The following FBXO10 variants were observed in gnomAD, a reference collection of about 807,000 sequenced individuals.
FBXO10 encodes F-box protein 10.
FBXO10 carries 39 observed loss-of-function variants against 80.7 expected under a neutral mutation model. The ratio of observed to expected loss-of-function variants is 0.48; its 90% CI spans 0.37 to 0.63. FBXO10 has a LOEUF of 0.63. Ranked by LOEUF, FBXO10 falls within the 30% of genes least tolerant of loss-of-function variation. The pLI, the probability that FBXO10 is intolerant of heterozygous loss-of-function variation, is 0.00. For missense variants in FBXO10, 1,025 were observed against 1,269.0 expected, an observed-to-expected ratio of 0.81 and a Z score of 2.92; for synonymous variants, 449 against 489.6, an observed-to-expected ratio of 0.92 and a Z score of 1.09.
chr9:37,570,316 GA>G (rs58075609), intron 1 of FBXO10, among the ~76,000 whole-genome samples: 3 of 145,850 alleles, frequency 2.1e-5, no homozygotes, highest in African/African-American at 2.5e-5. Flanking sequence ...GTCTGTCTCG[GA>G]AAAAAAAAAG....
chr9:37,572,493 G>C (rs971931408), intron 1 of FBXO10, among the ~76,000 whole-genome samples: 3 of 152,204 alleles, frequency 2.0e-5, no homozygotes, highest in Non-Finnish European at 2.9e-5. Context: ...TGTTGGCAAC[G>C]AAAATAAGTG....
At chr9:37,522,703 G>C in intron 7 of FBXO10, 122 bp downstream of exon 7, 1 of 1,236,756 alleles carries the variant, frequency 8.1e-7, no homozygotes. Context: ...TGGCCTGAGA[G>C]TGCCTGTTCA....
rs373004926 is a variant in FBXO10 at position 37,541,413 on chromosome 9, T to C, written c.356A>G (p.Asp119Gly). ...TLSVGPGREF[D>G]SLGSALAMAS... ...CATGGCCAAGGCACTGCCCAGGCTG[T>C]CAAACTCACGGCCTGGCCCAACACT... is the stretch of plus-strand genomic sequence containing the variant. The change falls in exon 2 of 11, where the codon GAC (aspartate) becomes GGC (glycine). Residue 119 changes from aspartate (D) to glycine (G), a missense_variant. Physicochemically the swap from Asp to Gly is moderately conservative, Grantham distance 94. Transcript: ENST00000432825. 29 of 1,613,800 alleles carry C rather than the reference T, an allele frequency of 1.8e-5. No individual in the cohort carries two copies. Among genetic ancestry groups the C allele is most frequent in the Non-Finnish European group, 2.2e-5 (26 of 1,179,870 alleles).
At chr9:37,516,357 G>A (rs187218717) in intron 9 of FBXO10, among the ~76,000 whole-genome samples, 1 of 152,302 alleles carries the variant, frequency 6.6e-6, no homozygotes, top group Admixed American at 6.5e-5. Context: ...CAAAGGCCTG[G>A]CAGAGAGGGG....
intron 1 of FBXO10, among the ~76,000 whole-genome samples, chr9:37,550,847 C>G (rs1822181471): frequency 6.6e-6 from 1 of 152,202 alleles, no homozygotes; most frequent in Non-Finnish European, 1.5e-5. Flanking sequence ...AATTCATGTT[C>G]TTCTCACATG....
intron 5 of FBXO10, among the ~76,000 whole-genome samples, chr9:37,527,146 G>A (rs373189966): frequency 1.4e-4 from 21 of 152,240 alleles, no homozygotes; most frequent in African/African-American, 3.9e-4. Flanking sequence ...GCACCGCCCC[G>A]GCCCCTGCTC....
At chr9:37,563,836 A>G (rs543402714) in intron 1 of FBXO10, among the ~76,000 whole-genome samples, 3 of 152,344 alleles carry the variant, frequency 2.0e-5, no homozygotes, top group Admixed American at 6.5e-5. Context: ...TGACTGGCCT[A>G]TTGGATGTGA....
At chr9:37,532,118 T>C in intron 3 of FBXO10, 60 bp from the exon 4 acceptor site, 2 of 1,529,608 alleles carry the variant, frequency 1.3e-6, no homozygotes. Flanking sequence ...TAGAAACCAC[T>C]GGAGGAACAC....
At position 37,541,303 on chromosome 9, in the gene FBXO10, C is replaced by A. The variant is rs1002378124; in HGVS notation, c.466G>T (p.Val156Leu). ...EIILKVPVEI[V>L]GQGKLGEVAL... is the part of the protein sequence containing the mutation. ...ACTTCACCCAACTTCCCCTGCCCTA[C>A]AATCTCCACAGGCACCTTCAAGATG... is the stretch of plus-strand genomic sequence containing the variant. The change falls in exon 2 of 11, where the codon GTA becomes TTA. Residue 156 changes from valine to leucine, a missense_variant. By Grantham distance (32) the Val-to-Leu change is conservative (BLOSUM62 1). Around this residue, in one of 3 missense-constraint regions of FBXO10, gnomAD observed 450 missense variants for 499.4 expected, o/e 0.90. Coordinates refer to ENST00000432825, the MANE Select transcript of FBXO10 (RefSeq NM_012166.3). 1.9e-6 allele frequency: 3 copies of A among 1,614,006 alleles called. No homozygotes were observed. The highest frequency in any genetic ancestry group is 1.7e-5 in the Admixed American group (1 of 60,022).
rs780797625 is a variant in FBXO10 at position 37,541,252 on chromosome 9, G to A, written c.517C>T (p.His173Tyr). The A allele has an allele frequency of 6.2e-7, 1 of 1,613,784 alleles. No homozygotes were observed. Among genetic ancestry groups the A allele is most frequent in the Non-Finnish European group, 8.5e-7 (1 of 1,179,848 alleles). ...EVALLASIDQ[H>Y]CSTTRLCNLV... ...TTGCACAGGCGTGTGGTTGAGCAGT[G>A]CTGATCAATGCTGGCCAGCAGGGCC... Residue 173 changes from histidine (H) to tyrosine (Y), a missense_variant, in exon 2 of 11, where the codon CAC (histidine) becomes TAC (tyrosine). His to Tyr is a moderately conservative substitution (Grantham distance 83, BLOSUM62 2). Around this residue, in one of 3 missense-constraint regions of FBXO10, gnomAD observed 450 missense variants for 499.4 expected, o/e 0.90. Transcript: ENST00000432825.
At chr9:37,543,066 G>A (rs1230328278) in intron 1 of FBXO10, among the ~76,000 whole-genome samples, 3 of 152,162 alleles carry the variant, frequency 2.0e-5, no homozygotes, top group South Asian at 2.1e-4. Flanking sequence ...GTTTCCCCAC[G>A]TGGGGCAGCC....
chr9:37,543,267 G>A (rs1464644271), intron 1 of FBXO10, among the ~76,000 whole-genome samples: 3 of 152,166 alleles, frequency 2.0e-5, no homozygotes, highest in Admixed American at 2.0e-4. Context: ...TAGAGGTAAG[G>A]TTCCCAGCAG....
chr9:37,568,782 T>A (rs1822674020), intron 1 of FBXO10, among the ~76,000 whole-genome samples: 1 of 152,176 alleles, frequency 6.6e-6, no homozygotes. Flanking sequence ...CGCTGTACTG[T>A]CTGTCCAAAA....
At chr9:37,541,857 T>C in intron 1 of FBXO10, 83 bp from the exon 2 acceptor site, 1 of 1,170,338 alleles carries the variant, frequency 8.5e-7, no homozygotes, top group Non-Finnish European at 1.2e-6. Context: ...AGATGGAGTT[T>C]CACTCTTCTT....
chr9:37,525,687 G>A (rs942122107), intron 5 of FBXO10, among the ~76,000 whole-genome samples: 3 of 151,900 alleles, frequency 2.0e-5, no homozygotes, highest in Non-Finnish European at 2.9e-5. Flanking sequence ...ACACGTGTGC[G>A]CCACCACATC....
intron 6 of FBXO10, 124 bp downstream of exon 6, chr9:37,524,978 C>T (rs1821430791): frequency 1.2e-6 from 1 of 815,258 alleles, no homozygotes; most frequent in Non-Finnish European, 1.9e-6. Flanking sequence ...AGCTCCAGCC[C>T]ACCAGTCAGA....
intron 1 of FBXO10, among the ~76,000 whole-genome samples, chr9:37,566,402 G>A (rs150355751): frequency 0.014 from 2,144 of 149,142 alleles, 59 homozygotes; most frequent in African/African-American, 0.051. Flanking sequence ...AGGTTGCAGT[G>A]AGCTGAGATC....
chr9:37,527,962 A>C (rs1414538739), intron 5 of FBXO10, among the ~76,000 whole-genome samples: 15 of 152,216 alleles, frequency 9.9e-5, no homozygotes, highest in Admixed American at 9.8e-4. Context: ...TGGCATATCG[A>C]AATACTGGAA....
intron 1 of FBXO10, among the ~76,000 whole-genome samples, chr9:37,547,213 G>T (rs962086563): frequency 1.3e-5 from 2 of 152,158 alleles, no homozygotes; most frequent in African/African-American, 4.8e-5. Context: ...ACAAGTTCTG[G>T]TGTATTTGTA....
Sources: allele counts gnomAD v4.1 joint callset (sites outside exome capture counted in the v4.1 genomes callset), GRCh38; gene constraint gnomAD v4.1.1; regional missense constraint gnomAD v4.1.1; transcripts MANE v1.5; gene names NCBI Gene and HGNC (gene_info 2026-07-23, HGNC 2026-07-21).